The following DMD variants were observed in gnomAD, a reference collection of about 807,000 sequenced individuals.
DMD encodes dystrophin, also known as mutant dystrophin.
DMD carries 63 observed loss-of-function variants against 330.1 expected under a neutral mutation model. The ratio of observed to expected loss-of-function variants is 0.19; its 90% CI spans 0.16 to 0.24. DMD has a LOEUF of 0.24. DMD is among the 10% of genes least tolerant of loss of function. DMD has a pLI of 1.00. For missense variants in DMD, 3,344 were observed against 2,684.1 expected (o/e 1.25, Z -5.43); for synonymous variants, 1,223 against 959.8 (o/e 1.27, Z -5.07).
intron 55 of DMD, among the ~76,000 whole-genome samples, chrX:31,620,847 CAGTA>C (rs1040632936): frequency 3.6e-5 from 4 of 111,767 alleles, no homozygotes; most frequent in Admixed American, 1.9e-4. Flanking sequence ...TTCTGTACTA[CAGTA>C]AGTAACATTT....
rs191396834 is a variant in DMD, at chrX:33,276,970, T to C, written c.7+62289A>G. On this transcript the variant is annotated intron_variant, in intron 1 of 17. Coordinates refer to the DMD transcript ENST00000288447. ...AACCTTCTTCTGATTTCACCATTTA[T>C]GTACGTATACATTTGTGTGTGTATG... Among the ~76,000 whole-genome samples, 447 of 112,241 alleles carry C rather than the reference T, an allele frequency of 4.0e-3. 6 individuals carry two copies. Among genetic ancestry groups the C allele is most frequent in the African/African-American group, 0.014 (430 of 30,898 alleles).
chrX:31,372,132 A>G (rs983983928), intron 60 of DMD, among the ~76,000 whole-genome samples: 2 of 111,559 alleles, frequency 1.8e-5, no homozygotes, highest in Non-Finnish European at 3.8e-5. Flanking sequence ...CAAACGGCTT[A>G]GGGGCAGAGA....
intron 1 of DMD, among the ~76,000 whole-genome samples, chrX:33,129,749 A>C (rs2095488485): frequency 9.0e-6 from 1 of 111,112 alleles, no homozygotes; most frequent in African/African-American, 3.3e-5. Context: ...TACTGCATCC[A>C]AATTACAGAA....
At chrX:33,292,463 TG>T (rs1250296873) in intron 1 of DMD, among the ~76,000 whole-genome samples, 59 of 111,337 alleles carry the variant, frequency 5.3e-4, no homozygotes, top group Admixed American at 2.2e-3. Flanking sequence ...AGTAGTACAT[TG>T]ATTCTTATCC....
chrX:32,615,326 C>A (rs1190467652), intron 11 of DMD, among the ~76,000 whole-genome samples: 1 of 111,407 alleles, frequency 9.0e-6, no homozygotes, highest in East Asian at 2.8e-4. Context: ...GGCCTAGGTT[C>A]ACAGCCCAGC....
intron 12 of DMD, among the ~76,000 whole-genome samples, chrX:32,602,401 T>A (rs1179687961): frequency 8.9e-6 from 1 of 111,902 alleles, no homozygotes; most frequent in African/African-American, 3.2e-5. Context: ...AAAATGCCTT[T>A]ACTGAAAATA....
At chrX:31,449,750 T>G (rs1356184311) in intron 59 of DMD, among the ~76,000 whole-genome samples, 1 of 75,405 alleles carries the variant, frequency 1.3e-5, no homozygotes, top group Non-Finnish European at 2.6e-5. Context: ...ATGAGTTTAT[T>G]TATAAATGGT....
At chrX:33,260,295 A>G (rs913725391) in intron 1 of DMD, among the ~76,000 whole-genome samples, 2 of 111,416 alleles carry the variant, frequency 1.8e-5, no homozygotes, top group Non-Finnish European at 3.8e-5. Flanking sequence ...AAGTAACAAT[A>G]ATGATGCTTT....
chrX:32,119,237 G>T lies in DMD; in HGVS notation c.6438+97679C>A, dbSNP rs1217988217. 6.4e-5 allele frequency among the ~76,000 whole-genome samples: 7 copies of T among 108,577 alleles called. No homozygotes were observed. The Admixed American group carries it at 6.9e-4, about 11-fold the overall frequency. The allele number at this position is 108,577 out of a possible 115,157, so 94.3% of individuals were successfully genotyped here. A position where few individuals can be genotyped will look rare whatever the true frequency, so the allele number is the denominator to read the frequency against. Reference sequence around the variant, plus strand: ...TAATCCCAGCTACTTGGGAGGCTGTGGCATGAGAATCACCTGAACCTGGGA... The same window carrying T: ...TAATCCCAGCTACTTGGGAGGCTGTTGCATGAGAATCACCTGAACCTGGGA... On this transcript the variant is annotated intron_variant, in intron 44 of 78. Transcript: ENST00000357033.
At chrX:32,047,854 T>C (rs932922872) in intron 44 of DMD, among the ~76,000 whole-genome samples, 1 of 110,601 alleles carries the variant, frequency 9.0e-6, no homozygotes, top group Non-Finnish European at 1.9e-5. Flanking sequence ...AATTCATACA[T>C]TGACATTCTG....
chrX:33,162,067 G>C lies in DMD; in HGVS notation c.31+49215C>G, dbSNP rs1431252180. Among the ~76,000 whole-genome samples, 4 of 111,651 alleles carry C rather than the reference G, an allele frequency of 3.6e-5. No individual in the cohort carries two copies. The East Asian group carries it at 8.4e-4, about 24-fold the overall frequency. On this transcript the variant is annotated intron_variant, in intron 1 of 78. Coordinates refer to ENST00000357033, the MANE Select transcript of DMD (RefSeq NM_004006.3). The stretch of plus-strand genomic sequence containing the variant: ...CTGGGGGTAGTGTGACTAAGACACT[G>C]TTTTAGAATCTGAGGATATGAGTTC...
chrX:32,913,060 T>C (rs1454154217), intron 2 of DMD, among the ~76,000 whole-genome samples: 3 of 112,110 alleles, frequency 2.7e-5, no homozygotes, highest in Admixed American at 9.5e-5. Flanking sequence ...TTCAGCTTGC[T>C]GGGTTTCTTG....
chrX:32,541,268 C>T (rs187396838), intron 17 of DMD, among the ~76,000 whole-genome samples: 53 of 110,825 alleles, frequency 4.8e-4, no homozygotes, highest in Non-Finnish European at 7.6e-5. Flanking sequence ...ATCACTACCT[C>T]CACCACCATC....
At chrX:32,878,882 C>A (rs1399897886) in intron 2 of DMD, among the ~76,000 whole-genome samples, 1 of 108,420 alleles carries the variant, frequency 9.2e-6, no homozygotes, top group Non-Finnish European at 1.9e-5. Context: ...GTGGCAGGTA[C>A]CTGTAATCCC....
chrX:31,147,593 T>C (rs1414907202), intron 74 of DMD, 75 bp from the exon 75 acceptor site: 2 of 839,542 alleles, frequency 2.4e-6, no homozygotes, highest in African/African-American at 4.3e-5. Flanking sequence ...AATTTGAATA[T>C]CATCACCAAA....
intron 22 of DMD, among the ~76,000 whole-genome samples, chrX:32,471,001 G>A (rs1022579535): frequency 3.8e-4 from 43 of 111,748 alleles, no homozygotes; most frequent in African/African-American, 1.4e-3. Context: ...AAAGGGCTGG[G>A]CGCAGTGGCT....
intron 2 of DMD, among the ~76,000 whole-genome samples, chrX:32,854,052 C>T (rs1004975045): frequency 9.0e-6 from 1 of 111,528 alleles, no homozygotes; most frequent in African/African-American, 3.3e-5. Flanking sequence ...GTACCGAACA[C>T]TGGAGCACCC....
intron 1 of DMD, among the ~76,000 whole-genome samples, chrX:33,031,568 C>G (rs1037286736): frequency 9.0e-6 from 1 of 110,667 alleles, no homozygotes. Context: ...GTCAGGAGTT[C>G]GAGACCAGCC....
intron 74 of DMD, among the ~76,000 whole-genome samples, chrX:31,165,987 C>T (rs1261956170): frequency 9.0e-6 from 1 of 111,227 alleles, no homozygotes; most frequent in Non-Finnish European, 1.9e-5. Context: ...AAATTTATGA[C>T]AAAGCCATGC....
Sources: gnomAD v4.1 joint callset for allele counts (sites outside exome capture counted in the v4.1 genomes callset) on GRCh38, gnomAD v4.1.1 for gene constraint, MANE v1.5 for transcripts, NCBI Gene and HGNC (gene_info 2026-07-23, HGNC 2026-07-21) for gene names.